Variants in RHOF observed in about 807,000 individuals in gnomAD.
RHOF encodes rho-related GTP-binding protein RhoF.
Under a neutral mutation model 22.2 loss-of-function variants are expected in RHOF, and 21 were observed. The ratio of observed to expected loss-of-function variants is 0.95; its 90% CI spans 0.67 to 1.36. The LOEUF (loss-of-function observed/expected upper bound fraction) is 1.36. RHOF is among the 40% of genes most tolerant of loss of function. The pLI is 0.00. For missense variants in RHOF, 285 were observed against 293.7 expected (o/e 0.97, Z 0.22); for synonymous variants, 135 against 131.2 (o/e 1.03, Z -0.20).
At chr12:121,787,112 G>T (rs1242073536) in intron 2 of RHOF, among the ~76,000 whole-genome samples, 1 of 152,172 alleles carries the variant, frequency 6.6e-6, no homozygotes, top group Admixed American at 6.6e-5. Flanking sequence ...CCTGCGGGCA[G>T]GAACCACCTC....
intron 2 of RHOF, among the ~76,000 whole-genome samples, chr12:121,789,357 G>A (rs923641025): frequency 7.2e-4 from 110 of 152,310 alleles, no homozygotes; most frequent in African/African-American, 2.4e-3. Flanking sequence ...CACTCAGGCG[G>A]TGCGGCAGGG....
At chr12:121,793,043 A>G (rs1352631827) in intron 2 of RHOF, 109 bp downstream of exon 2, 2 of 955,514 alleles carry the variant, frequency 2.1e-6, no homozygotes, top group African/African-American at 3.3e-5. Context: ...AGAGCCGGCC[A>G]AGGCCCTGCC....
Position 121,779,671 on chromosome 12 carries a change from G to C in RHOF, c.472-9C>G. The C allele has an allele frequency of 6.2e-7, 1 of 1,613,550 alleles. No homozygotes were observed. The highest frequency in any genetic ancestry group is 8.5e-7 in the Non-Finnish European group (1 of 1,179,734). On this transcript the variant is annotated splice_polypyrimidine_tract_variant and intron_variant, in intron 4 of 4. Coordinates refer to ENST00000267205, the MANE Select transcript of RHOF (RefSeq NM_019034.3). Reference sequence around the variant, plus strand: ...TCGCAGGCGCTCAGGCCCTGGGTGGGGGGAGGAGCCAGCATTAGGTGAGGG... The same window carrying C: ...TCGCAGGCGCTCAGGCCCTGGGTGGCGGGAGGAGCCAGCATTAGGTGAGGG...
rs1180537197 is a variant in RHOF at position 121,787,912 on chromosome 12, G to C, written c.226+5240C>G. On this transcript the variant is annotated intron_variant, in intron 2 of 4. Coordinates refer to ENST00000267205, the MANE Select transcript of RHOF (RefSeq NM_019034.3). ...CCTCAAAAAAAAAAAAAAAAAAAGG[G>C]GGGGGGGGCGGGGTTTGCTCTGTTG... Among the ~76,000 whole-genome samples the C allele has an allele frequency of 5.4e-5, 6 of 111,872 alleles. No individual in the cohort carries two copies. In the East Asian group the frequency reaches 1.3e-3, roughly 24 times the overall value. The allele number at this position is 111,872 out of a possible 152,430, so 73.4% of individuals were successfully genotyped here. A position where few individuals can be genotyped will look rare whatever the true frequency, so the allele number is the denominator to read the frequency against.
At chr12:121,780,721 A>G in intron 4 of RHOF, 151 bp downstream of exon 4, 3 of 875,294 alleles carry the variant, frequency 3.4e-6, no homozygotes, top group Non-Finnish European at 5.1e-6. Flanking sequence ...TCAGGTCCAC[A>G]GGCCATCAAT....
Position 121,781,126 on chromosome 12 carries a change from T to C in RHOF, c.293A>G (p.Tyr98Cys), listed in dbSNP as rs1874440059. 3.1e-6 allele frequency: 5 copies of C among 1,614,030 alleles called. No homozygotes were observed. Among genetic ancestry groups the C allele is most frequent in the Admixed American group, 3.3e-5 (2 of 60,004 alleles). ...YQNTHLVLIC[Y>C]DVMNPTSYDN... is the part of the protein sequence containing the mutation. ...GTAGCTGGTGGGATTCATGACGTCATAGCAGATGAGCACGAGGTGGGTGTT... is the reference window on the plus strand; with the variant it reads ...GTAGCTGGTGGGATTCATGACGTCACAGCAGATGAGCACGAGGTGGGTGTT... The change falls in exon 3 of 5, where the codon TAT becomes TGT. Residue 98 changes from tyrosine to cysteine, a missense_variant. By Grantham distance (194) the Tyr-to-Cys change is radical. Coordinates refer to ENST00000267205, the MANE Select transcript of RHOF (RefSeq NM_019034.3).
chr12:121,781,220 G>A (rs1389713662), intron 2 of RHOF, 28 bp from the exon 3 acceptor site: 2 of 1,602,578 alleles, frequency 1.2e-6, no homozygotes, highest in Non-Finnish European at 1.7e-6. Flanking sequence ...CGGGGGTCAG[G>A]GGACGTCCCC....
chr12:121,792,879 G>C (rs1051317641), intron 2 of RHOF, among the ~76,000 whole-genome samples: 4 of 152,252 alleles, frequency 2.6e-5, no homozygotes, highest in African/African-American at 9.6e-5. Flanking sequence ...CTGCTTTCTA[G>C]AACCACAGGA....
chr12:121,779,595 TTC>T lies in RHOF; in HGVS notation c.537_538del (p.Asn180CysfsTer43). On this transcript the variant is annotated frameshift_variant, in exon 5 of 5. Transcript: ENST00000267205. LOFTEE classifies it high-confidence loss of function. ...GGCCTCCCGGAAGACGTCCTCCACA[TTC>T]TCCCGAAACTTGGCGGAACATTCCA... is the stretch of plus-strand genomic sequence containing the variant. The T allele has an allele frequency of 6.2e-7, 1 of 1,614,164 alleles. No homozygotes were observed. The highest frequency in any genetic ancestry group is 8.5e-7 in the Non-Finnish European group (1 of 1,180,018).
rs1874451799 is a variant in RHOF at position 121,781,375 on chromosome 12, G to A, written c.227-183C>T. 1.0e-5 allele frequency: 6 copies of A among 587,970 alleles called. 1 individual carries two copies. The East Asian group carries it at 1.5e-4, about 14-fold the overall frequency. The allele number at this position is 587,970 out of a possible 1,614,324, so 36.4% of individuals were successfully genotyped here. On this transcript the variant is annotated intron_variant, in intron 2 of 4. Transcript: ENST00000267205. ...GGTCGCAGCTACTCGGGAGGCTGAGGCCGGAGGATCGCTTGAGCCCAGGAG... is the reference window on the plus strand; with the variant it reads ...GGTCGCAGCTACTCGGGAGGCTGAGACCGGAGGATCGCTTGAGCCCAGGAG...
intron 2 of RHOF, among the ~76,000 whole-genome samples, chr12:121,785,234 C>T (rs1486703880): frequency 1.3e-5 from 2 of 152,116 alleles, no homozygotes; most frequent in Non-Finnish European, 2.9e-5. Flanking sequence ...TGGGATGCAG[C>T]AGGACAGCGC....
chr12:121,779,945 C>A, intron 4 of RHOF: 1 of 291,996 alleles, frequency 3.4e-6, no homozygotes, highest in Non-Finnish European at 5.9e-6. Flanking sequence ...GGGTTGGTTC[C>A]CCCAGGTGTC....
At chr12:121,788,265 C>T (rs569379781) in intron 2 of RHOF, among the ~76,000 whole-genome samples, 1 of 152,044 alleles carries the variant, frequency 6.6e-6, no homozygotes, top group South Asian at 2.1e-4. Flanking sequence ...TTTTCTTAGC[C>T]TACCCCAGAA....
intron 2 of RHOF, among the ~76,000 whole-genome samples, chr12:121,789,096 G>A (rs1874693624): frequency 6.6e-6 from 1 of 152,164 alleles, no homozygotes; most frequent in Non-Finnish European, 1.5e-5. Flanking sequence ...CAGGCGTGGT[G>A]GCTCACACCT....
chr12:121,785,808 T>C (rs1321782103), intron 2 of RHOF, among the ~76,000 whole-genome samples: 1 of 151,982 alleles, frequency 6.6e-6, no homozygotes, highest in Non-Finnish European at 1.5e-5. Context: ...GAGACGGGGT[T>C]TCACTGTGTT....
Position 121,781,183 on chromosome 12 carries a change from T to A in RHOF, c.236A>T (p.Asp79Val). The A allele has an allele frequency of 6.2e-7, 1 of 1,614,154 alleles. No individual in the cohort carries two copies. The change falls in exon 3 of 5, where the codon GAC becomes GTC. Residue 79 changes from aspartate to valine, a missense_variant. Transcript: ENST00000267205. ...LNLYDTAGQE[D>V]YDRLRPLSYQ... ...GGACAGGGGCCGCAGCCGGTCATAG[T>A]CTTCTTGCCCTGAAAGCACAGAGCA...
chr12:121,789,141 G>A (rs1490248664), intron 2 of RHOF, among the ~76,000 whole-genome samples: 1 of 152,054 alleles, frequency 6.6e-6, no homozygotes, highest in Non-Finnish European at 1.5e-5. Context: ...GACATGGGAG[G>A]ATCACTTGAG....
chr12:121,780,065 A>ATTT (rs1874392112), intron 4 of RHOF: 1 of 167,282 alleles, frequency 6.0e-6, no homozygotes, highest in South Asian at 1.6e-4. Flanking sequence ...CCTTTTATTT[A>ATTT]TTTATTTTTG....
Position 121,780,915 on chromosome 12 carries a change from C to T in RHOF, c.428G>A (p.Arg143Gln), listed in dbSNP as rs778854758. 19 of 1,613,784 alleles carry T rather than the reference C, an allele frequency of 1.2e-5. No individual in the cohort carries two copies. Among genetic ancestry groups the T allele is most frequent in the African/African-American group, 4.0e-5 (3 of 74,916 alleles). Reference protein sequence around the residue: ...TDLRKDKEQLRKLRAAQLEPI... With the variant: ...TDLRKDKEQLQKLRAAQLEPI... ...CTCCAGCTGGGCGGCCCGGAGCTTC[C>T]GCAGCTGCTCCTTGTCCTTCCTCAG... Residue 143 changes from arginine to glutamine, a missense_variant, in exon 4 of 5, where the codon CGG becomes CAG. By Grantham distance (43) the Arg-to-Gln change is conservative. Coordinates refer to ENST00000267205, the MANE Select transcript of RHOF (RefSeq NM_019034.3).
Sources: gnomAD v4.1 joint callset for allele counts (sites outside exome capture counted in the v4.1 genomes callset) on GRCh38, gnomAD v4.1.1 for gene constraint, MANE v1.5 for transcripts, NCBI Gene and HGNC (gene_info 2026-07-23, HGNC 2026-07-21) for gene names.